Variants in ABLIM1 observed in about 807,000 individuals in gnomAD.
ABLIM1 encodes actin binding LIM protein 1, also known as actin-binding LIM protein 1.
Under a neutral mutation model 107.0 loss-of-function variants are expected in ABLIM1, and 40 were observed. That is an observed-to-expected ratio of 0.37 (90% CI 0.29 to 0.49). The LOEUF is 0.49. ABLIM1 is among the 20% of genes least tolerant of loss of function. The pLI is 0.97. For synonymous variants in ABLIM1, 357 were observed against 357.3 expected, an observed-to-expected ratio of 1.00 and a Z score of 0.01; for missense variants, 857 against 1,008.5, an observed-to-expected ratio of 0.85 and a Z score of 2.04.
Position 114,473,079 on chromosome 10 carries a change from C to G in ABLIM1, c.1173G>C (p.Lys391Asn). The change falls in exon 10 of 23, where the codon AAG (lysine) becomes AAC (asparagine). Residue 391 changes from lysine to asparagine, a missense_variant. Transcript: ENST00000533213. Reference protein sequence around the residue: ...LDYKDLAAIPKVKAIYDIERP... With the variant: ...LDYKDLAAIPNVKAIYDIERP... ...GTTCAATGTCATAAATTGCCTTGAC[C>G]TTCGGAATGGCTGCTAAATCCTTGT... 6.2e-7 allele frequency: 1 copy of G among 1,613,354 alleles called. No homozygotes were observed. Among genetic ancestry groups the G allele is most frequent in the East Asian group, 2.2e-5 (1 of 44,858 alleles).
chr10:114,648,631 T>C (rs1316749471), intron 1 of ABLIM1, among the ~76,000 whole-genome samples: 3 of 152,250 alleles, frequency 2.0e-5, no homozygotes, highest in African/African-American at 7.2e-5. Context: ...TTCGTGGTTC[T>C]ACTAAAATGC....
At position 114,465,425 on chromosome 10, in the gene ABLIM1, G is replaced by A. The variant is rs115650211; in HGVS notation, c.1441+273C>T. ...CAAAGTGAAGAGATTTTTGTTAATC[G>A]TAAAAAAATTTTTAAAAAAACCCCT... On this transcript the variant is annotated intron_variant, in intron 12 of 22. Transcript: ENST00000533213. 6.0e-3 allele frequency: 1,489 copies of A among 246,416 alleles called. 20 individuals are homozygous for A. Among genetic ancestry groups the A allele is most frequent in the African/African-American group, 0.03 (1,359 of 44,810 alleles). The allele number at this position is 246,416 out of a possible 1,614,324, so 15.3% of individuals were successfully genotyped here. A position where few individuals can be genotyped will look rare whatever the true frequency, so the allele number is the denominator to read the frequency against.
At chr10:114,660,624 G>A (rs571061264), upstream of ABLIM1, among the ~76,000 whole-genome samples, 1 of 152,286 alleles carries the variant, frequency 6.6e-6, no homozygotes, top group African/African-American at 2.4e-5. Flanking sequence ...AATAAACATC[G>A]TAGTGTGGGA....
At chr10:114,782,044 G>T in the ABLIM1 span, among the ~76,000 whole-genome samples, 2 of 152,020 alleles carry the variant, frequency 1.3e-5, no homozygotes, top group African/African-American at 4.8e-5. Flanking sequence ...AACTAGGGAT[G>T]TTCTGCTTAA....
chr10:114,769,777 G>A (rs142194119), upstream of ABLIM1, among the ~76,000 whole-genome samples: 787 of 152,036 alleles, frequency 5.2e-3, 9 homozygotes, highest in African/African-American at 0.018. Flanking sequence ...TGATCATGTG[G>A]GAAAGGAAAT....
chr10:114,633,227 C>A (rs1054915847), intron 1 of ABLIM1, among the ~76,000 whole-genome samples: 3 of 152,068 alleles, frequency 2.0e-5, no homozygotes, highest in African/African-American at 7.2e-5. Context: ...CCAGGGGAAC[C>A]GAAAGGAATG....
intron 1 of ABLIM1, among the ~76,000 whole-genome samples, chr10:114,702,493 A>C (rs1266650744): frequency 6.7e-6 from 1 of 150,224 alleles, no homozygotes; most frequent in Non-Finnish European, 1.5e-5. Context: ...GTCTATCATG[A>C]TTATACACTG....
At chr10:114,501,784 G>A (rs961767880) in intron 6 of ABLIM1, among the ~76,000 whole-genome samples, 2 of 152,038 alleles carry the variant, frequency 1.3e-5, no homozygotes, top group Non-Finnish European at 2.9e-5. Flanking sequence ...CACTAAGAAC[G>A]TCCCCCAACA....
chr10:114,447,832 G>A, intron 15 of ABLIM1, 48 bp downstream of exon 15: 1 of 1,598,222 alleles, frequency 6.3e-7, no homozygotes, highest in Non-Finnish European at 8.6e-7. Flanking sequence ...GTCATCTTGA[G>A]CTCTCCTAGC....
At chr10:114,668,986 C>T (rs1321429462) in intron 1 of ABLIM1, among the ~76,000 whole-genome samples, 1 of 152,212 alleles carries the variant, frequency 6.6e-6, no homozygotes, top group Non-Finnish European at 1.5e-5. Flanking sequence ...AAAAGCAAAG[C>T]TAGTCTTCCT....
chr10:114,771,084 G>T (rs777259593), upstream of ABLIM1, among the ~76,000 whole-genome samples: 5 of 152,174 alleles, frequency 3.3e-5, no homozygotes, highest in African/African-American at 4.8e-5. Flanking sequence ...GCCCGCCTCG[G>T]CTTCCCACAG....
intron 6 of ABLIM1, among the ~76,000 whole-genome samples, chr10:114,512,851 GGAAA>G (rs1375897523): frequency 1.8e-4 from 8 of 44,748 alleles, no homozygotes; most frequent in South Asian, 8.1e-4. Context: ...AAGGAAGGAA[GGAAA>G]GAAGGAAGGA....
intron 1 of ABLIM1, among the ~76,000 whole-genome samples, chr10:114,648,948 TA>T (rs113989664): frequency 0.32 from 47,871 of 149,548 alleles, 8,610 homozygotes; most frequent in Non-Finnish European, 0.42. Flanking sequence ...CAACTGAACT[TA>T]AAAAAAAAAA....
chr10:114,597,806 T>C (rs893606367), intron 2 of ABLIM1, among the ~76,000 whole-genome samples: 1 of 151,740 alleles, frequency 6.6e-6, no homozygotes, highest in Non-Finnish European at 1.5e-5. Flanking sequence ...GAAAAACGTG[T>C]GGGATGAAGC....
At chr10:114,447,837 C>G (rs753072672) in intron 15 of ABLIM1, 43 bp downstream of exon 15, 2 of 1,611,254 alleles carry the variant, frequency 1.2e-6, no homozygotes, top group Non-Finnish European at 1.7e-6. Context: ...CTTGAGCTCT[C>G]CTAGCAGTTT....
intron 1 of ABLIM1, among the ~76,000 whole-genome samples, chr10:114,678,570 G>A (rs894653627): frequency 3.3e-5 from 5 of 152,114 alleles, no homozygotes; most frequent in African/African-American, 9.7e-5. Context: ...TATTGTCTAC[G>A]GCTGCTTTTG....
chr10:114,464,093 G>A (rs2064565082), intron 12 of ABLIM1, among the ~76,000 whole-genome samples: 1 of 151,996 alleles, frequency 6.6e-6, no homozygotes, highest in Non-Finnish European at 1.5e-5. Context: ...GAACAACAAT[G>A]CCCCTATAAC....
Position 114,453,461 on chromosome 10 carries a change from C to T in ABLIM1, c.1464G>A (p.Arg488=), listed in dbSNP as rs1463614964. The T allele has an allele frequency of 6.2e-7, 1 of 1,606,460 alleles. No homozygotes were observed. Among genetic ancestry groups the T allele is most frequent in the East Asian group, 2.2e-5 (1 of 44,544 alleles). The change falls in exon 13 of 23, where the codon CGG becomes CGA. Residue 488 remains arginine, a synonymous_variant. Transcript: ENST00000533213. ...HRPGNEPSSG[R]NSPLPYRPDS... is the part of the protein sequence containing the mutation. Reference sequence around the variant, plus strand: ...CTGGCCGGTAAGGGAGAGGGGAGTTCCGGCCGCTGGACGGCTCATTGCCTC... The same window carrying T: ...CTGGCCGGTAAGGGAGAGGGGAGTTTCGGCCGCTGGACGGCTCATTGCCTC...
Position 114,708,906 on chromosome 10 carries a change from A to G in ABLIM1, c.-213+59155T>C, listed in dbSNP as rs941037969. ...GTGATATTTTAATCACCATCTTTTA[A>G]GATTACCATGTCTTTCCATTTTGAC... is the stretch of plus-strand genomic sequence containing the variant. On this transcript the variant is annotated intron_variant, in intron 1 of 15. Coordinates refer to the ABLIM1 transcript ENST00000651092. Among the ~76,000 whole-genome samples, 8 of 152,316 alleles carry G rather than the reference A, an allele frequency of 5.3e-5. No homozygotes were observed. The East Asian group carries it at 1.4e-3, about 26-fold the overall frequency.
Sources: gnomAD v4.1 joint callset for allele counts (sites outside exome capture counted in the v4.1 genomes callset) on GRCh38, gnomAD v4.1.1 for gene constraint, MANE v1.5 for transcripts, NCBI Gene and HGNC (gene_info 2026-07-23, HGNC 2026-07-21) for gene names.